ADAM12: variants seen among roughly 807,000 people sequenced by gnomAD.
ADAM12 encodes ADAM metallopeptidase domain 12.
Under a neutral mutation model 106.4 loss-of-function variants are expected in ADAM12, and 70 were observed. The ratio of observed to expected loss-of-function variants is 0.66; its 90% CI spans 0.54 to 0.80. The LOEUF (loss-of-function observed/expected upper bound fraction) is 0.80, where lower values mean the gene tolerates loss of function less well. Among genes scored for constraint, ADAM12 ranks in the 30% least tolerant of loss-of-function variants. ADAM12 has a pLI of 0.00. For missense variants in ADAM12, 1,010 were observed against 1,171.9 expected (o/e 0.86, Z 2.02); for synonymous variants, 420 against 433.5 (o/e 0.97, Z 0.39).
chr10:126,055,766 A>G (rs1710291), intron 14 of ADAM12, among the ~76,000 whole-genome samples: 3 of 151,392 alleles, frequency 2.0e-5, no homozygotes, highest in African/African-American at 4.9e-5. Flanking sequence ...TGGAGTCAAC[A>G]ACTTCTTCAC....
intron 5 of ADAM12, among the ~76,000 whole-genome samples, chr10:126,123,569 G>T (rs1439473830): frequency 6.6e-6 from 1 of 152,178 alleles, no homozygotes; most frequent in Non-Finnish European, 1.5e-5. Context: ...CCCCCCTGTG[G>T]CACTCTTCTA....
intron 1 of ADAM12, among the ~76,000 whole-genome samples, chr10:126,341,515 C>A (rs559958024): frequency 6.6e-6 from 1 of 152,292 alleles, no homozygotes; most frequent in Admixed American, 6.5e-5. Context: ...ACCAAATCCA[C>A]ATGAGCCTTA....
chr10:126,337,729 A>C (rs1854758191), intron 1 of ADAM12, among the ~76,000 whole-genome samples: 1 of 151,984 alleles, frequency 6.6e-6, no homozygotes, highest in Non-Finnish European at 1.5e-5. Flanking sequence ...ATTAACCATC[A>C]CACATGGATC....
intron 2 of ADAM12, among the ~76,000 whole-genome samples, chr10:126,299,159 C>T (rs753777725): frequency 1.3e-5 from 2 of 152,114 alleles, no homozygotes; most frequent in East Asian, 1.9e-4. Flanking sequence ...AAACAGAACC[C>T]AGTGAATAAG....
intron 3 of ADAM12, among the ~76,000 whole-genome samples, chr10:126,212,132 C>T (rs747018044): frequency 3.1e-4 from 47 of 152,274 alleles, no homozygotes; most frequent in Non-Finnish European, 5.7e-4. Flanking sequence ...TGCCAGGTAC[C>T]GCACTGGTGA....
At chr10:126,334,102 A>T (rs1486818780) in intron 1 of ADAM12, among the ~76,000 whole-genome samples, 1 of 152,162 alleles carries the variant, frequency 6.6e-6, no homozygotes, top group Non-Finnish European at 1.5e-5. Flanking sequence ...GCAAATAAAA[A>T]TTTTATTTCA....
chr10:126,312,505 T>A (rs375211556), intron 2 of ADAM12, among the ~76,000 whole-genome samples: 11 of 152,124 alleles, frequency 7.2e-5, no homozygotes, highest in South Asian at 6.2e-4. Context: ...GTCCTGACTA[T>A]GTGGTTAATG....
At chr10:126,149,945 T>C (rs1956700152) in intron 4 of ADAM12, among the ~76,000 whole-genome samples, 1 of 152,208 alleles carries the variant, frequency 6.6e-6, no homozygotes, top group Non-Finnish European at 1.5e-5. Context: ...TATACATCTG[T>C]CCTATTAGTT....
chr10:126,046,149 A>G lies in ADAM12; in HGVS notation c.1918-17T>C. On this transcript the variant is annotated splice_polypyrimidine_tract_variant and intron_variant, in intron 16 of 22. Coordinates refer to ENST00000448723, the MANE Select transcript of ADAM12 (RefSeq NM_001288973.2). ...CAGGCAGATCTGTAGGAGGAGGAAA[A>G]CACAGCAAATCTCTTAGTATTTCTC... is the stretch of plus-strand genomic sequence containing the variant. 1 of 1,607,234 alleles carries G rather than the reference A, an allele frequency of 6.2e-7. No individual in the cohort carries two copies. Among genetic ancestry groups the G allele is most frequent in the East Asian group, 2.2e-5 (1 of 44,852 alleles).
At chr10:126,316,981 T>C (rs972469960) in intron 2 of ADAM12, among the ~76,000 whole-genome samples, 2 of 152,168 alleles carry the variant, frequency 1.3e-5, no homozygotes, top group African/African-American at 4.8e-5. Context: ...GCTATTCATA[T>C]GATAAGCTGT....
chr10:126,318,429 GATACACTTTCAC>G (rs1385771656), intron 2 of ADAM12, among the ~76,000 whole-genome samples: 1 of 151,430 alleles, frequency 6.6e-6, no homozygotes, highest in East Asian at 1.9e-4. Flanking sequence ...CTAACACACA[GATACACTTTCAC>G]ATACATTCAA....
chr10:126,067,060 T>C, intron 12 of ADAM12: 1 of 456,346 alleles, frequency 2.2e-6, no homozygotes, highest in South Asian at 2.2e-5. Context: ...AGTTGTAACA[T>C]AGGCTGGCCG....
chr10:126,049,448 A>G lies in ADAM12; in HGVS notation c.1722T>C (p.Asp574=), dbSNP rs1490762162. The G allele has an allele frequency of 6.8e-6, 11 of 1,614,018 alleles. No homozygotes were observed. Among genetic ancestry groups the G allele is most frequent in the Non-Finnish European group, 9.3e-6 (11 of 1,180,034 alleles). Residue 574 remains aspartate (D), a synonymous_variant, in exon 16 of 23, where the codon GAT becomes GAC. Transcript: ENST00000448723. The surrounding 1 kb of genome is among the most constrained non-coding windows in gnomAD (Gnocchi z 4.4). ...KSSFAKCEMR[D]AKCGKIQCQG... The stretch of plus-strand genomic sequence containing the variant: ...GACACTGGATTTTTCCACATTTAGC[A>G]TCTCTGGAAGGGTAAGAACAAACAA...
intron 4 of ADAM12, among the ~76,000 whole-genome samples, chr10:126,140,443 C>G (rs1551678): frequency 0.54 from 81,759 of 152,020 alleles, 22,742 homozygotes; most frequent in Non-Finnish European, 0.63. Context: ...CAACAACTCA[C>G]TTGAAGTATT....
chr10:126,083,776 G>A (rs1264518063), intron 11 of ADAM12, among the ~76,000 whole-genome samples: 1 of 152,206 alleles, frequency 6.6e-6, no homozygotes, highest in Non-Finnish European at 1.5e-5. Context: ...GATGGGAGAG[G>A]GAGCTGGGCC....
At chr10:126,349,738 C>T (rs1459778233) in intron 1 of ADAM12, among the ~76,000 whole-genome samples, 1 of 152,208 alleles carries the variant, frequency 6.6e-6, no homozygotes. Context: ...ACAGCCTCAA[C>T]AATCCGCATA....
At chr10:126,039,060 C>T (rs555312283) in intron 19 of ADAM12, among the ~76,000 whole-genome samples, 4 of 149,084 alleles carry the variant, frequency 2.7e-5, no homozygotes, top group African/African-American at 7.4e-5. Context: ...CCCGGGTTCA[C>T]GCCATTCTCA....
intron 11 of ADAM12, among the ~76,000 whole-genome samples, chr10:126,088,688 G>C (rs775495235): frequency 7.3e-5 from 11 of 150,332 alleles, no homozygotes; most frequent in Middle Eastern, 3.4e-3. Flanking sequence ...CTCCAGCCTG[G>C]GTGACAGGGA....
At chr10:126,294,004 T>C (rs1960266120) in intron 2 of ADAM12, among the ~76,000 whole-genome samples, 1 of 152,358 alleles carries the variant, frequency 6.6e-6, no homozygotes, top group Admixed American at 6.5e-5. Flanking sequence ...TCTTGAGGCC[T>C]CAGGCAACTT....
Sources: allele counts gnomAD v4.1 joint callset (sites outside exome capture counted in the v4.1 genomes callset), GRCh38; gene constraint gnomAD v4.1.1; non-coding constraint Gnocchi (gnomAD v3.1); transcripts MANE v1.5; gene names NCBI Gene and HGNC (gene_info 2026-07-23, HGNC 2026-07-21).